The following MYO3B variants were observed in gnomAD, a reference collection of about 807,000 sequenced individuals.
The protein encoded by MYO3B is myosin-IIIb.
Under a neutral mutation model 174.6 loss-of-function variants are expected in MYO3B, and 156 were observed. That is an observed-to-expected ratio of 0.89 (90% confidence interval 0.78 to 1.02). MYO3B has a LOEUF of 1.02. Among genes scored for constraint, MYO3B ranks in the 50% least tolerant of loss-of-function variants. MYO3B has a pLI of 0.00. For missense variants in MYO3B, 1,632 were observed against 1,639.4 expected, an observed-to-expected ratio of 1.00 and a Z score of 0.08; for synonymous variants, 563 against 569.1, an observed-to-expected ratio of 0.99 and a Z score of 0.15.
rs780451475 is a variant in MYO3B, at chr2:170,236,108, C to A, written c.721C>A (p.Pro241Thr). 1 of 1,614,140 alleles carries A rather than the reference C, an allele frequency of 6.2e-7. No homozygotes were observed. Among genetic ancestry groups the A allele is most frequent in the Admixed American group, 1.7e-5 (1 of 60,018 alleles). ...AGACCCTCCCCTCTTTGACATGCAT[C>A]CTGTGAAAACACTCTTTAAGATTCC... ...DGDPPLFDMH[P>T]VKTLFKIPRN... Residue 241 changes from proline to threonine, a missense_variant, in exon 7 of 35, where the codon CCT becomes ACT. Pro to Thr is a conservative substitution (Grantham distance 38). Transcript: ENST00000408978.
At chr2:170,484,946 A>G (rs1685936279) in intron 25 of MYO3B, among the ~76,000 whole-genome samples, 2 of 152,298 alleles carry the variant, frequency 1.3e-5, no homozygotes, top group South Asian at 2.1e-4. Flanking sequence ...CATTATCTAC[A>G]TAAGAGAAAA....
chr2:170,389,068 G>A (rs2094395180), intron 14 of MYO3B, among the ~76,000 whole-genome samples: 1 of 152,172 alleles, frequency 6.6e-6, no homozygotes, highest in Non-Finnish European at 1.5e-5. Flanking sequence ...ATAATGTGAG[G>A]AGAGTTCTAG....
intron 17 of MYO3B, among the ~76,000 whole-genome samples, chr2:170,400,646 A>AC (rs10590784): frequency 0.12 from 15,906 of 131,896 alleles, 1,128 homozygotes; most frequent in Admixed American, 0.17. Context: ...CTCATGATCC[A>AC]CCCCCCCCCC....
At chr2:170,486,256 A>G (rs560372777) in intron 25 of MYO3B, among the ~76,000 whole-genome samples, 11 of 152,208 alleles carry the variant, frequency 7.2e-5, no homozygotes, top group Non-Finnish European at 1.5e-4. Flanking sequence ...TAACAGTATC[A>G]GATCAATGAT....
chr2:170,477,787 C>G (rs1015157494), intron 25 of MYO3B, among the ~76,000 whole-genome samples: 5 of 151,308 alleles, frequency 3.3e-5, no homozygotes, highest in African/African-American at 1.2e-4. Context: ...GAGGGGGAGG[C>G]GGGGAATTAC....
chr2:170,624,117 T>C (rs1575274586), intron 32 of MYO3B, among the ~76,000 whole-genome samples: 1 of 152,330 alleles, frequency 6.6e-6, no homozygotes, highest in East Asian at 1.9e-4. Flanking sequence ...AAGAAAGTCA[T>C]TGGTAGCTTG....
chr2:170,643,360 T>G (rs1698127154), intron 32 of MYO3B, among the ~76,000 whole-genome samples: 1 of 152,138 alleles, frequency 6.6e-6, no homozygotes, highest in Non-Finnish European at 1.5e-5. Context: ...CATGGGAGTA[T>G]CCACTGGAGT....
At position 170,402,184 on chromosome 2, in the gene MYO3B, G is replaced by C. The variant is rs370863863; in HGVS notation, c.2129+493G>C. 7.5e-4 allele frequency among the ~76,000 whole-genome samples: 114 copies of C among 152,306 alleles called. No individual in the cohort carries two copies. In the South Asian group the frequency reaches 0.023, roughly 31 times the overall value. ...TTGAATTTTTTCATCAGACCTTGGCGATGACCTTGAGCAGTAGGATGTGAA... is the reference window on the plus strand; with the variant it reads ...TTGAATTTTTTCATCAGACCTTGGCCATGACCTTGAGCAGTAGGATGTGAA... On this transcript the variant is annotated intron_variant, in intron 18 of 34. Coordinates refer to ENST00000408978, the MANE Select transcript of MYO3B (RefSeq NM_138995.5).
Position 170,515,117 on chromosome 2 carries a change from C to G in MYO3B, c.3472+95C>G. ...GAAGTGATCACCTCTTATATAAGAA[C>G]CTTCTGTCCACCACTCCTTCTTTTT... On this transcript the variant is annotated intron_variant, in intron 29 of 34. Coordinates refer to ENST00000408978, the MANE Select transcript of MYO3B (RefSeq NM_138995.5). 3.9e-6 allele frequency: 4 copies of G among 1,014,876 alleles called. No homozygotes were observed. In the East Asian group the frequency reaches 7.8e-5, roughly 20 times the overall value. The allele number at this position is 1,014,876 out of a possible 1,614,324, so 62.9% of individuals were successfully genotyped here.
chr2:170,503,360 A>G (rs942186656), intron 28 of MYO3B, among the ~76,000 whole-genome samples: 2 of 152,116 alleles, frequency 1.3e-5, no homozygotes, highest in Non-Finnish European at 2.9e-5. Flanking sequence ...GATAGTAATA[A>G]TTGTATCTTT....
intron 7 of MYO3B, among the ~76,000 whole-genome samples, chr2:170,327,496 T>C (rs946721141): frequency 4.4e-4 from 28 of 63,428 alleles, no homozygotes; most frequent in African/African-American, 1.1e-3. Flanking sequence ...TAGTTATTAA[T>C]CATAGAAGCT....
chr2:170,410,118 T>C (rs978101488), intron 22 of MYO3B, among the ~76,000 whole-genome samples: 2 of 152,254 alleles, frequency 1.3e-5, no homozygotes, highest in Non-Finnish European at 2.9e-5. Context: ...ATATTTTCAA[T>C]GCATAAGAAA....
intron 16 of MYO3B, among the ~76,000 whole-genome samples, chr2:170,394,396 C>T (rs1263176008): frequency 6.6e-6 from 1 of 152,016 alleles, no homozygotes; most frequent in East Asian, 1.9e-4. Flanking sequence ...ACGTTGAAAA[C>T]TGTTAAAATC....
intron 2 of MYO3B, 122 bp from the exon 3 acceptor site, chr2:170,200,028 T>C: frequency 2.4e-6 from 2 of 819,632 alleles, no homozygotes; most frequent in Non-Finnish European, 1.9e-6. Context: ...TTTGAAGGTA[T>C]GGTAATGAGA....
intron 24 of MYO3B, among the ~76,000 whole-genome samples, chr2:170,463,778 T>TG (rs1160262879): frequency 4.6e-5 from 7 of 152,292 alleles, no homozygotes; most frequent in Non-Finnish European, 7.4e-5. Flanking sequence ...GTCTTAGCAT[T>TG]GACTTTATTT....
At chr2:170,409,398 A>T (rs985294504) in intron 22 of MYO3B, among the ~76,000 whole-genome samples, 9 of 152,132 alleles carry the variant, frequency 5.9e-5, no homozygotes, top group African/African-American at 2.2e-4. Flanking sequence ...TTGAAACTAC[A>T]CTCCACACCA....
intron 7 of MYO3B, among the ~76,000 whole-genome samples, chr2:170,261,896 A>G (rs1336286863): frequency 6.6e-6 from 1 of 152,212 alleles, no homozygotes; most frequent in African/African-American, 2.4e-5. Flanking sequence ...TAGCATCAAT[A>G]GAAGATATGT....
In MYO3B at chr2:170,382,099, A is replaced by G. The variant is rs1271076222; in HGVS notation, c.1055A>G (p.Glu352Gly). The G allele has an allele frequency of 2.5e-6, 4 of 1,613,154 alleles. No homozygotes were observed. Among genetic ancestry groups the G allele is most frequent in the Non-Finnish European group, 3.4e-6 (4 of 1,179,330 alleles). Residue 352 changes from glutamate to glycine, a missense_variant, in exon 10 of 35, where the codon GAG becomes GGG. Glu to Gly is a moderately conservative substitution (Grantham distance 98). Coordinates refer to ENST00000408978, the MANE Select transcript of MYO3B (RefSeq NM_138995.5). ...YCLEDDLVNLEVLDEDTIIHQ... is the reference protein window; with the variant it reads ...YCLEDDLVNLGVLDEDTIIHQ... ...CTTGAGGATGATTTGGTCAACCTAG[A>G]GGTTCTGGATGAGGTACTAAATATT...
intron 22 of MYO3B, among the ~76,000 whole-genome samples, chr2:170,427,387 G>T (rs558550025): frequency 6.6e-6 from 1 of 152,314 alleles, no homozygotes; most frequent in African/African-American, 2.4e-5. Flanking sequence ...TAAAGCCAAG[G>T]TCTCCAAAAA....
Sources: gnomAD v4.1 joint callset for allele counts (sites outside exome capture counted in the v4.1 genomes callset) on GRCh38, gnomAD v4.1.1 for gene constraint, MANE v1.5 for transcripts, NCBI Gene and HGNC (gene_info 2026-07-23, HGNC 2026-07-21) for gene names.